Variants in DNAJC21 observed in about 807,000 individuals in gnomAD.
The protein encoded by DNAJC21 is DnaJ heat shock protein family (Hsp40) member C21.
DNAJC21 carries 63 observed loss-of-function variants against 72.4 expected under a neutral mutation model. That is an observed-to-expected ratio of 0.87 (90% CI 0.71 to 1.07). The LOEUF (loss-of-function observed/expected upper bound fraction) is 1.07. Among genes scored for constraint, DNAJC21 ranks in the 50% least tolerant of loss-of-function variants. The probability of loss-of-function intolerance (pLI) is 0.00; values close to 1 mark genes in which losing one functional copy is unlikely to be tolerated. For missense variants in DNAJC21, 634 were observed against 644.8 expected, an observed-to-expected ratio of 0.98 and a Z score of 0.18; for synonymous variants, 203 against 216.7, an observed-to-expected ratio of 0.94 and a Z score of 0.56.
At chr5:34,943,670 C>T (rs1038592770) in intron 7 of DNAJC21, among the ~76,000 whole-genome samples, 4 of 152,166 alleles carry the variant, frequency 2.6e-5, no homozygotes, top group African/African-American at 9.7e-5. Context: ...ATGGTTTTAG[C>T]TTGCGTCAGT....
chr5:34,929,987 G>A, intron 1 of DNAJC21, 71 bp downstream of exon 1: 1 of 1,261,394 alleles, frequency 7.9e-7, no homozygotes, highest in Non-Finnish European at 1.1e-6. Flanking sequence ...CCCTTCCCCC[G>A]GGCGGACTCC....
At chr5:34,954,057 A>G in intron 11 of DNAJC21, 56 bp downstream of exon 11, 1 of 1,483,440 alleles carries the variant, frequency 6.7e-7, no homozygotes, top group Non-Finnish European at 9.1e-7. Flanking sequence ...TAAGCAGTAT[A>G]ATGATCTAAA....
intron 7 of DNAJC21, among the ~76,000 whole-genome samples, chr5:34,941,641 A>AC (rs1472446457): frequency 7.5e-6 from 1 of 133,370 alleles, no homozygotes; most frequent in Non-Finnish European, 1.5e-5. Flanking sequence ...ATCTCAGCTC[A>AC]CTGCAACCTC....
At chr5:34,940,543 G>T (rs990667637) in intron 6 of DNAJC21, among the ~76,000 whole-genome samples, 7 of 152,090 alleles carry the variant, frequency 4.6e-5, no homozygotes, top group Non-Finnish European at 1.0e-4. Flanking sequence ...TTTTTAGTCA[G>T]TTGGTTTTTG....
At position 34,956,809 on chromosome 5, in the gene DNAJC21, G is replaced by A. The variant is rs1336784783; in HGVS notation, c.*2095G>A. 3 of 152,176 alleles carry A rather than the reference G, an allele frequency of 2.0e-5. No individual in the cohort carries two copies. In the East Asian group the frequency reaches 5.8e-4, roughly 29 times the overall value. The allele number at this position is 152,176 out of a possible 1,614,324, so 9.4% of individuals were successfully genotyped here. A position where few individuals can be genotyped will look rare whatever the true frequency, so the allele number is the denominator to read the frequency against. On this transcript the variant is annotated 3_prime_UTR_variant, in exon 12 of 12. Coordinates refer to ENST00000648817, the MANE Select transcript of DNAJC21 (RefSeq NM_001012339.3). ...GACTGGAAGCTGACCTTAGTCTTGC[G>A]TCTCATCCTTTATGATGTTGAGAAA...
chr5:34,936,491 C>G (rs1764783273), intron 4 of DNAJC21, among the ~76,000 whole-genome samples: 1 of 151,962 alleles, frequency 6.6e-6, no homozygotes, highest in South Asian at 2.1e-4. Flanking sequence ...GCTAATTTGT[C>G]AATTGTTTTG....
chr5:34,939,003 G>A lies in DNAJC21; in HGVS notation c.889G>A (p.Glu297Lys). The change falls in exon 6 of 12, where the codon GAG becomes AAG. Residue 297 changes from glutamate to lysine, a missense_variant. By Grantham distance (56) the Glu-to-Lys change is moderately conservative. Coordinates refer to ENST00000648817, the MANE Select transcript of DNAJC21 (RefSeq NM_001012339.3). ...EMEEHELKDEEDGKDSDEAED... is the reference protein window; with the variant it reads ...EMEEHELKDEKDGKDSDEAED... ...GGAAGAACATGAACTCAAAGATGAG[G>A]AGGATGGTAATATTATTTTTATTTT... 1 of 1,592,614 alleles carries A rather than the reference G, an allele frequency of 6.3e-7. No homozygotes were observed.
chr5:34,949,134 A>G (rs1318828514), intron 9 of DNAJC21, among the ~76,000 whole-genome samples: 3 of 152,178 alleles, frequency 2.0e-5, no homozygotes, highest in African/African-American at 4.8e-5. Flanking sequence ...CAGTTGAAAA[A>G]TCTGGCAATA....
At position 34,941,149 on chromosome 5, in the gene DNAJC21, C is replaced by G; in HGVS notation, c.949C>G (p.Pro317Ala). Residue 317 changes from proline (P) to alanine (A), a missense_variant, in exon 7 of 12, where the codon CCA becomes GCA. Transcript: ENST00000648817. Reference protein sequence around the residue: ...DAELYDDLYCPACDKSFKTEK... With the variant: ...DAELYDDLYCAACDKSFKTEK... ...TGAGCTCTATGATGACCTTTACTGC[C>G]CAGCATGTGACAAATCGTTCAAGAC... 6.2e-7 allele frequency: 1 copy of G among 1,614,050 alleles called. No individual in the cohort carries two copies. Among genetic ancestry groups the G allele is most frequent in the Non-Finnish European group, 8.5e-7 (1 of 1,180,012 alleles).
At position 34,956,199 on chromosome 5, in the gene DNAJC21, C is replaced by T. The variant is rs529208076; in HGVS notation, c.*1485C>T. ...ACAAATTTTCGGTTACAGATCAGCT[C>T]TCAAACACTAAAGTCCTTAATGGCA... On this transcript the variant is annotated 3_prime_UTR_variant, in exon 12 of 12. Coordinates refer to ENST00000648817, the MANE Select transcript of DNAJC21 (RefSeq NM_001012339.3). 6.6e-6 allele frequency: 1 copy of T among 152,644 alleles called. No individual in the cohort carries two copies. Among genetic ancestry groups the T allele is most frequent in the East Asian group, 1.9e-4 (1 of 5,184 alleles). The allele number at this position is 152,644 out of a possible 1,614,324, so 9.5% of individuals were successfully genotyped here. A position where few individuals can be genotyped will look rare whatever the true frequency, so the allele number is the denominator to read the frequency against.
rs1561196052 is a variant in DNAJC21, at chr5:34,956,595, CT to C, written c.*1882del. 6.6e-6 allele frequency: 1 copy of C among 152,176 alleles called. No homozygotes were observed. Among genetic ancestry groups the C allele is most frequent in the Admixed American group, 6.5e-5 (1 of 15,280 alleles). The allele number at this position is 152,176 out of a possible 1,614,324, so 9.4% of individuals were successfully genotyped here. A position where few individuals can be genotyped will look rare whatever the true frequency, so the allele number is the denominator to read the frequency against. ...CATACTAGTCACATGTTATTATACA[CT>C]AAAAAATAGGAAGTCATCTTGAAAG... On this transcript the variant is annotated 3_prime_UTR_variant, in exon 12 of 12. Coordinates refer to ENST00000648817, the MANE Select transcript of DNAJC21 (RefSeq NM_001012339.3).
At chr5:34,934,866 A>G (rs1259201865) in intron 2 of DNAJC21, among the ~76,000 whole-genome samples, 3 of 152,206 alleles carry the variant, frequency 2.0e-5, no homozygotes, top group African/African-American at 7.2e-5. Flanking sequence ...ATTGTGTTTC[A>G]TAAGAAACTC....
rs759342675 is a variant in DNAJC21, at chr5:34,937,276, T to A, written c.439-50T>A. On this transcript the variant is annotated intron_variant, in intron 4 of 11. Coordinates refer to ENST00000648817, the MANE Select transcript of DNAJC21 (RefSeq NM_001012339.3). Reference sequence around the variant, plus strand: ...GCATCAGTAATATTTACTGCTTTTCTAAAAAAAAATCTTAAAGCGCAGAAG... The same window carrying A: ...GCATCAGTAATATTTACTGCTTTTCAAAAAAAAAATCTTAAAGCGCAGAAG... 8 of 1,523,810 alleles carry A rather than the reference T, an allele frequency of 5.2e-6. No homozygotes were observed. The African/African-American group carries it at 1.1e-4, about 21-fold the overall frequency. 94.4% of individuals were successfully genotyped at this position (1,523,810 alleles called of 1,614,324 possible). A position where few individuals can be genotyped will look rare whatever the true frequency, so the allele number is the denominator to read the frequency against.
Position 34,929,582 on chromosome 5 carries a change from C to G in DNAJC21, c.-238C>G. 1 of 152,956 alleles carries G rather than the reference C, an allele frequency of 6.5e-6. No homozygotes were observed. Among genetic ancestry groups the G allele is most frequent in the Non-Finnish European group, 1.5e-5 (1 of 68,496 alleles). The allele number at this position is 152,956 out of a possible 1,614,324, so 9.5% of individuals were successfully genotyped here. ...CCATGCGAAGCGGCGGCCGCCGGCA[C>G]CGCCCCCGCCGCGCTCCCGCTTGCC... On this transcript the variant is annotated 5_prime_UTR_variant, in exon 1 of 12. Transcript: ENST00000648817.
chr5:34,944,749 A>G (rs1765116172), intron 7 of DNAJC21, 118 bp from the exon 8 acceptor site: 13 of 1,323,636 alleles, frequency 9.8e-6, no homozygotes, highest in Non-Finnish European at 1.3e-5. Context: ...ATAGAATCAG[A>G]AACGTTTTGC....
Position 34,935,701 on chromosome 5 carries a change from G to C in DNAJC21, c.192-9G>C, listed in dbSNP as rs1042594865. On this transcript the variant is annotated splice_polypyrimidine_tract_variant and intron_variant, in intron 2 of 11. Coordinates refer to ENST00000648817, the MANE Select transcript of DNAJC21 (RefSeq NM_001012339.3). ...AGCCTTCACAATGATGCTAATTTTT[G>C]TTTTTCAGGTATGATAATCATAGAG... 5 of 1,613,504 alleles carry C rather than the reference G, an allele frequency of 3.1e-6. No homozygotes were observed. Among genetic ancestry groups the C allele is most frequent in the Non-Finnish European group, 4.2e-6 (5 of 1,179,748 alleles).
At chr5:34,952,247 A>G in intron 10 of DNAJC21, 1 of 984,330 alleles carries the variant, frequency 1.0e-6, no homozygotes, top group Non-Finnish European at 1.2e-6. Flanking sequence ...ATTATCCTAA[A>G]TTTGTTAGAC....
chr5:34,946,963 A>AT (rs1765192312), intron 9 of DNAJC21, among the ~76,000 whole-genome samples: 1 of 152,154 alleles, frequency 6.6e-6, no homozygotes, highest in Admixed American at 6.5e-5. Flanking sequence ...CTCGTTTATG[A>AT]TTCCTGATTG....
Position 34,941,095 on chromosome 5 carries a change from G to A in DNAJC21, c.896-1G>A. The stretch of plus-strand genomic sequence containing the variant: ...TCTTACTGTAGGCTTCCCTGTCATA[G>A]GTAAAGACAGTGATGAGGCCGAGGA... On this transcript the variant is annotated splice_acceptor_variant, in intron 6 of 11. Coordinates refer to ENST00000648817, the MANE Select transcript of DNAJC21 (RefSeq NM_001012339.3). LOFTEE classifies it high-confidence loss of function. 1 of 1,612,818 alleles carries A rather than the reference G, an allele frequency of 6.2e-7. No individual in the cohort carries two copies. The highest frequency in any genetic ancestry group is 8.5e-7 in the Non-Finnish European group (1 of 1,178,940).
Sources: gnomAD v4.1 joint callset for allele counts (sites outside exome capture counted in the v4.1 genomes callset) on GRCh38, gnomAD v4.1.1 for gene constraint, MANE v1.5 for transcripts, NCBI Gene and HGNC (gene_info 2026-07-23, HGNC 2026-07-21) for gene names.